Variants in ZNF609 observed in about 807,000 individuals in gnomAD.
The protein encoded by ZNF609 is zinc finger protein 609.
ZNF609 carries 11 observed loss-of-function variants against 109.5 expected under a neutral mutation model. That is an observed-to-expected ratio of 0.10 (90% CI 0.06 to 0.17). ZNF609 has a LOEUF of 0.17. Among genes scored for constraint, ZNF609 ranks in the 10% least tolerant of loss-of-function variants. The pLI, the probability that ZNF609 is intolerant of heterozygous loss-of-function variation, is 1.00. For synonymous variants in ZNF609, 646 were observed against 662.0 expected, an observed-to-expected ratio of 0.98 and a Z score of 0.37; for missense variants, 1,559 against 1,772.4, an observed-to-expected ratio of 0.88 and a Z score of 2.16.
chr15:64,635,290 G>A (rs1896157147), intron 3 of ZNF609, among the ~76,000 whole-genome samples: 1 of 152,140 alleles, frequency 6.6e-6, no homozygotes, highest in Non-Finnish European at 1.5e-5. Context: ...CTGATACTTA[G>A]GAATTTAGTT....
At chr15:64,616,181 A>G (rs1160742924) in intron 2 of ZNF609, among the ~76,000 whole-genome samples, 1 of 152,026 alleles carries the variant, frequency 6.6e-6, no homozygotes, top group Non-Finnish European at 1.5e-5. Flanking sequence ...TTTTGTAAAT[A>G]TAGACTTTTG....
intron 2 of ZNF609, among the ~76,000 whole-genome samples, chr15:64,563,711 A>T (rs1052852391): frequency 2.6e-5 from 4 of 151,934 alleles, no homozygotes; most frequent in African/African-American, 9.7e-5. Context: ...AGGAGGCAGA[A>T]GTTGCGGTGA....
chr15:64,491,067 C>T (rs1186137570), intron 1 of ZNF609, among the ~76,000 whole-genome samples: 1 of 152,164 alleles, frequency 6.6e-6, no homozygotes, highest in Non-Finnish European at 1.5e-5. Context: ...ATCTAATCTC[C>T]ATTGGAGATA....
At chr15:64,664,317 C>T (rs1896618099) in intron 3 of ZNF609, among the ~76,000 whole-genome samples, 1 of 152,104 alleles carries the variant, frequency 6.6e-6, no homozygotes, top group Non-Finnish European at 1.5e-5. Flanking sequence ...TATTTATCAC[C>T]TTGAAGAAGG....
intron 3 of ZNF609, among the ~76,000 whole-genome samples, chr15:64,652,471 C>T (rs893489333): frequency 2.0e-5 from 3 of 150,700 alleles, no homozygotes; most frequent in South Asian, 2.1e-4. Context: ...ACTACAGCCT[C>T]GACCTCCCAG....
chr15:64,495,086 G>T (rs1329163509), intron 1 of ZNF609, among the ~76,000 whole-genome samples: 1 of 135,920 alleles, frequency 7.4e-6, no homozygotes, highest in African/African-American at 2.6e-5. Flanking sequence ...TGTAATGGCA[G>T]TATCACTTGC....
At chr15:64,645,133 C>T (rs1595750889) in intron 3 of ZNF609, among the ~76,000 whole-genome samples, 1 of 61,828 alleles carries the variant, frequency 1.6e-5, no homozygotes, top group Admixed American at 2.4e-4. Flanking sequence ...CTTCCTTCCT[C>T]AGGCTGGAGT....
rs776022019 is a variant in ZNF609 at position 64,675,964 on chromosome 15, A to T, written c.3110A>T (p.Lys1037Met). ...MGLKEREAAL[K>M]EEWKQKPSIP... ...CTGAAGGAGCGGGAGGCAGCACTCA[A>T]GGAAGAGTGGAAGCAAAAGCCGTCA... is the stretch of plus-strand genomic sequence containing the variant. Residue 1037 changes from lysine to methionine, a missense_variant, in exon 5 of 10, where the codon AAG (lysine) becomes ATG (methionine). Lys to Met is a moderately conservative substitution (Grantham distance 95). Around this residue, in one of 4 missense-constraint regions of ZNF609, gnomAD observed 1,204 missense variants for 1,314.1 expected, o/e 0.92. Transcript: ENST00000326648. The T allele has an allele frequency of 1.9e-6, 3 of 1,614,178 alleles. No individual in the cohort carries two copies. Among genetic ancestry groups the T allele is most frequent in the South Asian group, 1.1e-5 (1 of 91,082 alleles).
At chr15:64,597,356 G>A (rs142466292) in intron 2 of ZNF609, among the ~76,000 whole-genome samples, 55 of 152,204 alleles carry the variant, frequency 3.6e-4, no homozygotes, top group Admixed American at 6.5e-4. Context: ...AGGTTACCAC[G>A]GTAACAAGCA....
intron 2 of ZNF609, among the ~76,000 whole-genome samples, chr15:64,621,870 C>T (rs1215565744): frequency 1.3e-5 from 2 of 151,572 alleles, no homozygotes; most frequent in South Asian, 2.1e-4. Flanking sequence ...GGATTACAGG[C>T]GCCCACCACT....
intron 1 of ZNF609, among the ~76,000 whole-genome samples, chr15:64,476,255 G>T (rs1893167459): frequency 6.8e-6 from 1 of 147,720 alleles, no homozygotes. Context: ...TGGATGCCCT[G>T]TTCTAGTTGT....
intron 2 of ZNF609, among the ~76,000 whole-genome samples, chr15:64,516,703 A>G (rs1893816524): frequency 1.3e-5 from 2 of 152,102 alleles, no homozygotes; most frequent in African/African-American, 4.8e-5. Flanking sequence ...GAAAACTTAG[A>G]TTTTATTGTG....
At chr15:64,640,291 G>A (rs1896235298) in intron 3 of ZNF609, among the ~76,000 whole-genome samples, 1 of 151,986 alleles carries the variant, frequency 6.6e-6, no homozygotes, top group South Asian at 2.1e-4. Context: ...TCCCATCTTG[G>A]CCTCCCAACA....
intron 1 of ZNF609, among the ~76,000 whole-genome samples, chr15:64,481,748 T>G (rs1893257662): frequency 6.6e-6 from 1 of 152,142 alleles, no homozygotes; most frequent in South Asian, 2.1e-4. Context: ...ATAAGCCTCT[T>G]TGTAGAAATG....
At chr15:64,645,457 A>T (rs1041198432) in intron 3 of ZNF609, among the ~76,000 whole-genome samples, 1 of 151,794 alleles carries the variant, frequency 6.6e-6, no homozygotes, top group Non-Finnish European at 1.5e-5. Flanking sequence ...AATTTTTGAA[A>T]TTATTTTATT....
chr15:64,645,008 T>TCTTTCTTTCTTC lies in ZNF609; in HGVS notation c.973+21959_973+21960insTCTTTCTTCCTT, dbSNP rs1311156425. ...TTCTTTCTTTCTTTCTTTCTTTCTT[T>TCTTTCTTTCTTC]CTTCCTTCCTTCCTTCCTTCCTTTC... On this transcript the variant is annotated intron_variant, in intron 3 of 9. Transcript: ENST00000326648. Among the ~76,000 whole-genome samples the TCTTTCTTTCTTC allele has an allele frequency of 3.5e-3, 489 of 140,108 alleles. 2 individuals carry two copies. The highest frequency in any genetic ancestry group is 0.013 in the African/African-American group (458 of 34,836). 91.9% of individuals were successfully genotyped at this position (140,108 alleles called of 152,430 possible).
At chr15:64,497,685 T>C (rs1348617823) in intron 1 of ZNF609, among the ~76,000 whole-genome samples, 1 of 152,004 alleles carries the variant, frequency 6.6e-6, no homozygotes, top group African/African-American at 2.4e-5. Context: ...GCAGCTCACA[T>C]GAGGTCCAGG....
intron 2 of ZNF609, among the ~76,000 whole-genome samples, chr15:64,563,789 C>G (rs1354409817): frequency 2.0e-5 from 3 of 151,798 alleles, no homozygotes; most frequent in Non-Finnish European, 2.9e-5. Context: ...CAAAACAAAA[C>G]AAAACAAAAC....
At position 64,499,728 on chromosome 15, in the gene ZNF609, T is replaced by C. The variant is rs750974789; in HGVS notation, c.309T>C (p.Thr103=). The C allele has an allele frequency of 6.8e-6, 11 of 1,613,858 alleles. No individual in the cohort carries two copies. Among genetic ancestry groups the C allele is most frequent in the Non-Finnish European group, 8.5e-6 (10 of 1,180,004 alleles). ...SKSGKDTSKP[T]PGTSLFTPSE... ...GTGGCAAAGACACTAGCAAACCCAC[T>C]CCAGGGACTTCCCTGTTCACTCCAA... Residue 103 remains threonine, a synonymous_variant, in exon 2 of 10, where the codon ACT becomes ACC. Coordinates refer to ENST00000326648, the MANE Select transcript of ZNF609 (RefSeq NM_015042.2).
Sources: gnomAD v4.1 joint callset for allele counts (sites outside exome capture counted in the v4.1 genomes callset) on GRCh38, gnomAD v4.1.1 for gene constraint, gnomAD v4.1.1 regional missense constraint, MANE v1.5 for transcripts, NCBI Gene and HGNC (gene_info 2026-07-23, HGNC 2026-07-21) for gene names.